PNLDC1: variants seen among roughly 807,000 people sequenced by gnomAD.
PNLDC1 encodes the protein poly(A)-specific ribonuclease PNLDC1.
A neutral mutation model predicts 82.0 loss-of-function variants in PNLDC1; 70 were observed. The ratio of observed to expected loss-of-function variants is 0.85; its 90% CI spans 0.70 to 1.04. PNLDC1 has a LOEUF of 1.04. Among genes scored for constraint, PNLDC1 ranks in the 50% least tolerant of loss-of-function variants. PNLDC1 has a pLI of 0.00. For synonymous variants in PNLDC1, 280 were observed against 249.3 expected (o/e 1.12, Z -1.16); for missense variants, 631 against 661.1 (o/e 0.95, Z 0.50).
chr6:159,813,521 A>G lies in PNLDC1; in HGVS notation c.940-80A>G, dbSNP rs527682737. ...AGTGAGCATTTTCCAGGCCATTTTAATGACCATTTGGTACTGCCTGAAACA... is the reference window on the plus strand; with the variant it reads ...AGTGAGCATTTTCCAGGCCATTTTAGTGACCATTTGGTACTGCCTGAAACA... On this transcript the variant is annotated intron_variant, in intron 11 of 18. Transcript: ENST00000392167. 7 of 1,289,874 alleles carry G rather than the reference A, an allele frequency of 5.4e-6. No individual in the cohort carries two copies. In the South Asian group the frequency reaches 8.4e-5, roughly 15 times the overall value. The allele number at this position is 1,289,874 out of a possible 1,614,324, so 79.9% of individuals were successfully genotyped here.
chr6:159,807,567 A>G (rs879201075), intron 7 of PNLDC1, among the ~76,000 whole-genome samples: 3 of 152,198 alleles, frequency 2.0e-5, no homozygotes, highest in Admixed American at 6.5e-5. Context: ...ATATTTTCCA[A>G]TGTCTTCTGT....
intron 11 of PNLDC1, among the ~76,000 whole-genome samples, chr6:159,812,469 G>C (rs1384953125): frequency 2.0e-5 from 3 of 152,040 alleles, no homozygotes; most frequent in Non-Finnish European, 4.4e-5. Context: ...GGGGGAGGGG[G>C]TTCCCTCCTG....
In PNLDC1 at chr6:159,808,759, C is replaced by G. The variant is rs1781541534; in HGVS notation, c.582C>G (p.Val194=). ...CTGCAGGCTTCCAGGCCTTTGAGGT[C>G]CAACTGGTGCTGAGGCAGGCCCTCC... The part of the protein sequence containing the change: ...PGITGFQAFE[V]QLVLRQALPN... Residue 194 remains valine, a synonymous_variant, in exon 8 of 19, where the codon GTC becomes GTG. Transcript: ENST00000392167. The G allele has an allele frequency of 6.2e-7, 1 of 1,613,880 alleles. No individual in the cohort carries two copies. Among genetic ancestry groups the G allele is most frequent in the Non-Finnish European group, 8.5e-7 (1 of 1,179,920 alleles).
intron 4 of PNLDC1, among the ~76,000 whole-genome samples, chr6:159,803,701 G>A (rs1225844473): frequency 6.6e-6 from 1 of 152,302 alleles, no homozygotes; most frequent in East Asian, 1.9e-4. Flanking sequence ...AGTTGAGGGT[G>A]CCAGCCTGCA....
chr6:159,816,650 G>C, intron 14 of PNLDC1, 54 bp downstream of exon 14: 1 of 1,315,212 alleles, frequency 7.6e-7, no homozygotes, highest in Non-Finnish European at 1.1e-6. Context: ...TTTTTTTTCT[G>C]AGACAGGGTC....
chr6:159,818,559 G>A lies in PNLDC1; in HGVS notation c.1162G>A (p.Asp388Asn), dbSNP rs922230547. 1.5e-5 allele frequency: 24 copies of A among 1,613,398 alleles called. No homozygotes were observed. Among genetic ancestry groups the A allele is most frequent in the South Asian group, 5.5e-5 (5 of 91,076 alleles). The change falls in exon 16 of 19, where the codon GAC becomes AAC. Residue 388 changes from aspartate to asparagine, a missense_variant. Physicochemically the swap from Asp to Asn is conservative, Grantham distance 23. Transcript: ENST00000392167. ...TGGGGTTTTCTGTCCTTGCAGCATCGACCCCGTGCCCGAGTCATCCTTTCC... is the reference window on the plus strand; with the variant it reads ...TGGGGTTTTCTGTCCTTGCAGCATCAACCCCGTGCCCGAGTCATCCTTTCC... Reference protein sequence around the residue: ...HLLLQKIYHIDPVPESSFPQY... With the variant: ...HLLLQKIYHINPVPESSFPQY...
intron 11 of PNLDC1, 29 bp downstream of exon 11, chr6:159,811,815 A>C: frequency 6.6e-7 from 1 of 1,525,788 alleles, no homozygotes; most frequent in Non-Finnish European, 9.1e-7. Context: ...TTGGGTTAAG[A>C]ACTGCTTTTT....
At position 159,819,766 on chromosome 6, in the gene PNLDC1, A is replaced by AG. The variant is rs1781974214; in HGVS notation, c.1532+419dup. ...TAGAGACTTGGAGTGAGCCAGGCGG[A>AG]GGGGGCAGCAGGACGGAGCCTTCCA... On this transcript the variant is annotated intron_variant, in intron 18 of 18. Transcript: ENST00000392167. This position sits in a 1 kb window ranked among gnomAD's most constrained non-coding sequence, Gnocchi z 4.6. Among the ~76,000 whole-genome samples the AG allele has an allele frequency of 1.3e-5, 2 of 152,138 alleles. No individual in the cohort carries two copies. The highest frequency in any genetic ancestry group is 4.8e-5 in the African/African-American group (2 of 41,508).
chr6:159,802,889 C>CT (rs201440513), intron 3 of PNLDC1, among the ~76,000 whole-genome samples: 4,891 of 145,442 alleles, frequency 0.034, 158 homozygotes, highest in Middle Eastern at 0.092. Flanking sequence ...GGCCTGAAGT[C>CT]TTTTTTTTTT....
chr6:159,814,434 C>T (rs1781748978), intron 12 of PNLDC1, among the ~76,000 whole-genome samples: 1 of 152,210 alleles, frequency 6.6e-6, no homozygotes, highest in South Asian at 2.1e-4. Flanking sequence ...GCTTCAACTC[C>T]CAGCTCCTGT....
At chr6:159,799,580 CTG>C (rs1303053712), upstream of PNLDC1, among the ~76,000 whole-genome samples, 2 of 152,170 alleles carry the variant, frequency 1.3e-5, no homozygotes, top group Admixed American at 6.5e-5. Flanking sequence ...AGGGAGGACA[CTG>C]TAAGGAAGAC....
chr6:159,801,655 A>C (rs561542029), intron 3 of PNLDC1, among the ~76,000 whole-genome samples: 79 of 152,198 alleles, frequency 5.2e-4, no homozygotes, highest in Admixed American at 1.2e-3. Context: ...CATGTTGGCC[A>C]GGCTGTTCTT....
At chr6:159,803,225 G>C (rs776694387) in intron 3 of PNLDC1, 46 bp from the exon 4 acceptor site, 2 of 1,593,988 alleles carry the variant, frequency 1.3e-6, no homozygotes, top group South Asian at 2.2e-5. Context: ...GTGAAATTCA[G>C]GTTGCTTTTC....
intron 7 of PNLDC1, 56 bp downstream of exon 7, chr6:159,806,139 T>A: frequency 7.4e-7 from 1 of 1,349,712 alleles, no homozygotes; most frequent in Non-Finnish European, 1.1e-6. Context: ...CACTGTCACC[T>A]GCCAGGAGTT....
intron 11 of PNLDC1, among the ~76,000 whole-genome samples, chr6:159,812,335 G>T (rs1781673848): frequency 6.6e-6 from 1 of 152,102 alleles, no homozygotes. Flanking sequence ...TCTCCCTCCA[G>T]TTTCCACATT....
chr6:159,820,697 A>G lies in PNLDC1; in HGVS notation c.*180A>G, dbSNP rs1782011661. On this transcript the variant is annotated 3_prime_UTR_variant, in exon 19 of 19. Coordinates refer to ENST00000392167, the MANE Select transcript of PNLDC1 (RefSeq NM_001271862.2). ...CTCTCAATGATAAATCAGTCCTTAG[A>G]TATCGTACCTGTATGTGTGGTCAGA... is the stretch of plus-strand genomic sequence containing the variant. 20 of 626,718 alleles carry G rather than the reference A, an allele frequency of 3.2e-5. No individual in the cohort carries two copies. The South Asian group carries it at 3.5e-4, about 11-fold the overall frequency. 38.8% of individuals were successfully genotyped at this position (626,718 alleles called of 1,614,324 possible).
chr6:159,801,561 G>T (rs961073118), intron 3 of PNLDC1, among the ~76,000 whole-genome samples: 4 of 151,960 alleles, frequency 2.6e-5, no homozygotes, highest in Admixed American at 6.5e-5. Flanking sequence ...ATACTAGCAC[G>T]TCAGCCTCCT....
At chr6:159,805,480 AG>A (rs1298481498) in intron 6 of PNLDC1, among the ~76,000 whole-genome samples, 1 of 152,298 alleles carries the variant, frequency 6.6e-6, no homozygotes, top group East Asian at 1.9e-4. Flanking sequence ...ATAAAAATGT[AG>A]CTTTTTGTAA....
At chr6:159,813,816 C>A (rs774764854) in intron 12 of PNLDC1, among the ~76,000 whole-genome samples, 160 bp downstream of exon 12, 29 of 152,116 alleles carry the variant, frequency 1.9e-4, no homozygotes, top group African/African-American at 7.0e-4. Flanking sequence ...CCCCTTCCTC[C>A]GATGACCCTC....
Sources: gnomAD v4.1 joint callset for allele counts (sites outside exome capture counted in the v4.1 genomes callset) on GRCh38, gnomAD v4.1.1 for gene constraint, Gnocchi (gnomAD v3.1) non-coding constraint, MANE v1.5 for transcripts, NCBI Gene and HGNC (gene_info 2026-07-23, HGNC 2026-07-21) for gene names.